The following PRTG variants were observed in gnomAD, a reference collection of about 807,000 sequenced individuals.
The protein encoded by PRTG is protogenin, also known as immunoglobulin superfamily, DCC subclass, member 5.
PRTG carries 67 observed loss-of-function variants against 122.5 expected under a neutral mutation model. The observed-to-expected ratio is 0.55, with a 90% confidence interval of 0.45 to 0.67. The LOEUF (loss-of-function observed/expected upper bound fraction) is 0.67. Among genes scored for constraint, PRTG ranks in the 30% least tolerant of loss-of-function variants. The probability of loss-of-function intolerance (pLI) is 0.00; values close to 1 mark genes in which losing one functional copy is unlikely to be tolerated. For missense variants in PRTG, 1,435 were observed against 1,415.4 expected, an observed-to-expected ratio of 1.01 and a Z score of -0.22; for synonymous variants, 554 against 501.1, an observed-to-expected ratio of 1.11 and a Z score of -1.41.
In PRTG at chr15:55,679,378, C is replaced by T; in HGVS notation, c.1041G>A (p.Val347=). The stretch of plus-strand genomic sequence containing the variant: ...GAGAGGGGATTCCTTCTGCCTGACA[C>T]ACAAATCGAGCAGTGCCAGCTCGAG... ...TRPRAGTARF[V]CQAEGIPSPK... is the part of the protein sequence containing the mutation. The change falls in exon 7 of 20, where the codon GTG becomes GTA. Residue 347 remains valine, a synonymous_variant. Transcript: ENST00000389286. 1 of 1,613,392 alleles carries T rather than the reference C, an allele frequency of 6.2e-7. No homozygotes were observed. The highest frequency in any genetic ancestry group is 8.5e-7 in the Non-Finnish European group (1 of 1,179,448).
Position 55,740,457 on chromosome 15 carries a change from C to A in PRTG, c.322G>T (p.Glu108Ter), listed in dbSNP as rs778917304. The change falls in exon 2 of 20, where the codon GAA (glutamate) becomes TAA (stop). Residue 108 changes from glutamate to a stop codon, truncating the protein, a stop_gained. Transcript: ENST00000389286. LOFTEE classifies it high-confidence loss of function. ...VEGRRGEQSD[E>*]GFYQCLAMNK... ...ATTGCCAAGCACTGATAAAATCCTT[C>A]ATCGGACTGCTCTCCTCGCCTGCCT... 1 of 1,614,196 alleles carries A rather than the reference C, an allele frequency of 6.2e-7. No individual in the cohort carries two copies. Among genetic ancestry groups the A allele is most frequent in the African/African-American group, 1.3e-5 (1 of 75,056 alleles).
At chr15:55,635,745 T>C (rs1482016302) in intron 15 of PRTG, among the ~76,000 whole-genome samples, 1 of 152,218 alleles carries the variant, frequency 6.6e-6, no homozygotes, top group Non-Finnish European at 1.5e-5. Context: ...AAGAGTTTTA[T>C]ATTACATGAA....
At chr15:55,632,102 T>A (rs1339357757) in intron 15 of PRTG, among the ~76,000 whole-genome samples, 2 of 152,184 alleles carry the variant, frequency 1.3e-5, no homozygotes, top group Non-Finnish European at 2.9e-5. Flanking sequence ...TAACTAGATA[T>A]ATCTATAGTC....
chr15:55,656,931 C>T (rs1447329410), intron 11 of PRTG, among the ~76,000 whole-genome samples: 1 of 152,174 alleles, frequency 6.6e-6, no homozygotes, highest in Non-Finnish European at 1.5e-5. Flanking sequence ...GGAGAGATAC[C>T]AGCAAGCTGT....
chr15:55,730,965 G>A (rs1231277094), intron 2 of PRTG, among the ~76,000 whole-genome samples: 2 of 152,128 alleles, frequency 1.3e-5, no homozygotes, highest in African/African-American at 4.8e-5. Context: ...GAAGAGGAAG[G>A]CATAATGATA....
intron 4 of PRTG, among the ~76,000 whole-genome samples, chr15:55,681,116 G>C (rs963297939): frequency 2.0e-5 from 3 of 152,062 alleles, no homozygotes; most frequent in Admixed American, 2.0e-4. Context: ...TCATTGTATA[G>C]ATAGAACACA....
At chr15:55,648,002 C>G (rs78176351) in intron 11 of PRTG, among the ~76,000 whole-genome samples, 1 of 152,226 alleles carries the variant, frequency 6.6e-6, no homozygotes, top group South Asian at 2.1e-4. Flanking sequence ...AACCATGTCA[C>G]ATGGTATATA....
At chr15:55,712,566 T>G (rs1273371027) in intron 2 of PRTG, among the ~76,000 whole-genome samples, 1 of 152,232 alleles carries the variant, frequency 6.6e-6, no homozygotes, top group Non-Finnish European at 1.5e-5. Flanking sequence ...ATTATAATTG[T>G]GCTGCCTCCC....
chr15:55,692,366 G>T (rs576424131), intron 2 of PRTG, among the ~76,000 whole-genome samples: 1 of 152,130 alleles, frequency 6.6e-6, no homozygotes, highest in South Asian at 2.1e-4. Flanking sequence ...AAGAGAGGGC[G>T]CACAAAAGAG....
At chr15:55,627,326 GTTT>G (rs35771809) in intron 16 of PRTG, among the ~76,000 whole-genome samples, 198 bp from the exon 17 acceptor site, 1 of 131,486 alleles carries the variant, frequency 7.6e-6, no homozygotes, top group Admixed American at 8.1e-5. Context: ...CAATATTAAA[GTTT>G]TTTTTTTTTT....
chr15:55,644,550 C>A (rs1037148802), intron 11 of PRTG, among the ~76,000 whole-genome samples: 1 of 152,112 alleles, frequency 6.6e-6, no homozygotes, highest in African/African-American at 2.4e-5. Context: ...ACAGAAACAG[C>A]TTATGTGTCC....
chr15:55,710,177 C>A (rs2030322832), intron 2 of PRTG, among the ~76,000 whole-genome samples: 1 of 152,126 alleles, frequency 6.6e-6, no homozygotes, highest in Non-Finnish European at 1.5e-5. Flanking sequence ...AACTATTTTA[C>A]TTCTATAATT....
At chr15:55,741,794 C>G (rs988993700) in intron 1 of PRTG, among the ~76,000 whole-genome samples, 4 of 152,220 alleles carry the variant, frequency 2.6e-5, no homozygotes, top group Non-Finnish European at 5.9e-5. Flanking sequence ...CAGGGCGACG[C>G]GAGCCACCCT....
intron 9 of PRTG, among the ~76,000 whole-genome samples, chr15:55,674,846 G>A (rs1188186401): frequency 6.6e-6 from 1 of 152,056 alleles, no homozygotes; most frequent in African/African-American, 2.4e-5. Context: ...ACTAAAAAAG[G>A]TCTTCTAGAG....
intron 11 of PRTG, among the ~76,000 whole-genome samples, chr15:55,646,385 C>G (rs754971165): frequency 4.6e-5 from 7 of 151,098 alleles, no homozygotes; most frequent in South Asian, 2.1e-4. Flanking sequence ...TGCAGTGGCA[C>G]GATCTCAGCT....
rs1281607257 is a variant in PRTG, at chr15:55,637,362, T to C, written c.2453-22A>G. On this transcript the variant is annotated intron_variant, in intron 14 of 19. Coordinates refer to ENST00000389286, the MANE Select transcript of PRTG (RefSeq NM_173814.6). ...GGTGCTGTGCAGACACAACAAAACA[T>C]TGTATTAATATAGTAAAATGGTTCA... The C allele has an allele frequency of 3.1e-6, 5 of 1,590,934 alleles. No individual in the cohort carries two copies. The African/African-American group carries it at 4.1e-5, about 13-fold the overall frequency.
At chr15:55,653,446 T>C (rs2059364037) in intron 11 of PRTG, among the ~76,000 whole-genome samples, 1 of 151,630 alleles carries the variant, frequency 6.6e-6, no homozygotes, top group Non-Finnish European at 1.5e-5. Context: ...AATAAGTATA[T>C]TCTATTGATC....
chr15:55,743,135 T>G lies in PRTG; in HGVS notation c.-204A>C. The G allele has an allele frequency of 1.6e-6, 2 of 1,252,524 alleles. No homozygotes were observed. Among genetic ancestry groups the G allele is most frequent in the East Asian group, 3.4e-5 (1 of 29,688 alleles). The allele number at this position is 1,252,524 out of a possible 1,614,324, so 77.6% of individuals were successfully genotyped here. A position where few individuals can be genotyped will look rare whatever the true frequency, so the allele number is the denominator to read the frequency against. ...TCGCGAGAAGCAAGGGGCCTGAGAGTCCGGCTGGGGGCGGAGTGAGGCGGC... is the reference window on the plus strand; with the variant it reads ...TCGCGAGAAGCAAGGGGCCTGAGAGGCCGGCTGGGGGCGGAGTGAGGCGGC... On this transcript the variant is annotated 5_prime_UTR_variant, in exon 1 of 20. Coordinates refer to ENST00000389286, the MANE Select transcript of PRTG (RefSeq NM_173814.6).
At chr15:55,669,624 A>G (rs915904452) in intron 11 of PRTG, among the ~76,000 whole-genome samples, 3 of 152,236 alleles carry the variant, frequency 2.0e-5, no homozygotes, top group Admixed American at 1.3e-4. Flanking sequence ...CTTCTAGGAA[A>G]GTAAGACTAG....
Sources: allele counts gnomAD v4.1 joint callset (sites outside exome capture counted in the v4.1 genomes callset), GRCh38; gene constraint gnomAD v4.1.1; transcripts MANE v1.5; gene names NCBI Gene and HGNC (gene_info 2026-07-23, HGNC 2026-07-21).